Variants in ARPC4 observed in about 807,000 individuals in gnomAD.
The protein encoded by ARPC4 is actin-related protein 2/3 complex subunit 4.
ARPC4 carries 3 observed loss-of-function variants against 22.8 expected under a neutral mutation model. The observed-to-expected ratio is 0.13, with a 90% CI of 0.06 to 0.34. The LOEUF is 0.34. Ranked by LOEUF, ARPC4 falls within the 10% of genes least tolerant of loss-of-function variation. ARPC4 has a pLI of 1.00. For synonymous variants in ARPC4, 80 were observed against 72.5 expected, an observed-to-expected ratio of 1.10 and a Z score of -0.52; for missense variants, 98 against 211.0, an observed-to-expected ratio of 0.46 and a Z score of 3.32.
In ARPC4 at chr3:9,803,988, T is replaced by C. The variant is rs749275458; in HGVS notation, c.476T>C (p.Ile159Thr). ...CTGTCAGTCAATGCCCGTGCCCGCA[T>C]TGTGGCTGAAGAGTTCCTTAAGAAT... ...MKLSVNARAR[I>T]VAEEFLKNF Residue 159 changes from isoleucine (I) to threonine (T), a missense_variant, in exon 5 of 6, where the codon ATT (isoleucine) becomes ACT (threonine). Transcript: ENST00000397261. The C allele has an allele frequency of 6.2e-6, 10 of 1,614,078 alleles. No homozygotes were observed. Among genetic ancestry groups the C allele is most frequent in the Admixed American group, 3.3e-5 (2 of 60,002 alleles).
At chr3:9,802,324 C>T (rs541543724) in intron 4 of ARPC4, among the ~76,000 whole-genome samples, 4 of 149,852 alleles carry the variant, frequency 2.7e-5, no homozygotes, top group African/African-American at 7.4e-5. Context: ...AGAAAGAGCA[C>T]AGTGAATTAG....
intron 2 of ARPC4, among the ~76,000 whole-genome samples, chr3:9,799,535 T>C (rs2078965594): frequency 6.6e-6 from 1 of 151,962 alleles, no homozygotes; most frequent in Non-Finnish European, 1.5e-5. Flanking sequence ...TGCCACCTCC[T>C]GAGTTCGAGC....
At chr3:9,798,460 G>A (rs1250497538) in intron 2 of ARPC4, among the ~76,000 whole-genome samples, 1 of 152,026 alleles carries the variant, frequency 6.6e-6, no homozygotes, top group African/African-American at 2.4e-5. Flanking sequence ...GGTGGCACAT[G>A]CCTGTAGTCC....
intron 4 of ARPC4, chr3:9,803,421 G>A: frequency 2.2e-6 from 1 of 444,572 alleles, no homozygotes; most frequent in South Asian, 1.6e-5. Flanking sequence ...GGGCCACCCG[G>A]AATAAATAAA....
chr3:9,796,747 C>A lies in ARPC4; in HGVS notation c.4-912C>A, dbSNP rs562461569. Among the ~76,000 whole-genome samples, 13 of 152,248 alleles carry A rather than the reference C, an allele frequency of 8.5e-5. No homozygotes were observed. In the East Asian group the frequency reaches 1.9e-3, roughly 23 times the overall value. ...ACAAGGTCAGGAGATTGAGACCATCCTGGCTAACACCGTGAAACCCTGTCT... is the reference window on the plus strand; with the variant it reads ...ACAAGGTCAGGAGATTGAGACCATCATGGCTAACACCGTGAAACCCTGTCT... On this transcript the variant is annotated intron_variant, in intron 1 of 5. Coordinates refer to ENST00000397261, the MANE Select transcript of ARPC4 (RefSeq NM_005718.5).
chr3:9,792,614 G>A (rs1178381342), upstream of ARPC4: 6 of 1,229,844 alleles, frequency 4.9e-6, no homozygotes, highest in East Asian at 6.3e-5. Flanking sequence ...GGCCTCAGGC[G>A]AGCCCCGGGG....
intron 4 of ARPC4, 123 bp from the exon 5 acceptor site, chr3:9,803,720 G>C (rs1448969577): frequency 1.9e-5 from 21 of 1,133,752 alleles, no homozygotes; most frequent in Non-Finnish European, 2.6e-5. Context: ...ATGTAGCTTG[G>C]GAGAAGATCA....
At chr3:9,802,263 G>A (rs113594155) in intron 4 of ARPC4, among the ~76,000 whole-genome samples, 267 of 141,396 alleles carry the variant, frequency 1.9e-3, no homozygotes, top group African/African-American at 6.6e-3. Context: ...AAAAAAAAAG[G>A]CAAAAAAGAT....
intron 3 of ARPC4, 117 bp from the exon 4 acceptor site, chr3:9,801,544 C>G (rs1219151890): frequency 1.1e-5 from 11 of 1,005,496 alleles, no homozygotes; most frequent in African/African-American, 1.6e-5. Flanking sequence ...TTCCGAGTAC[C>G]AAACCTCACT....
intron 1 of ARPC4, among the ~76,000 whole-genome samples, chr3:9,794,650 C>A (rs2078841464): frequency 6.6e-6 from 1 of 152,070 alleles, no homozygotes; most frequent in African/African-American, 2.4e-5. Context: ...CACTGCACTT[C>A]AGCCTGGACA....
chr3:9,792,531 C>G (rs1187083081), upstream of ARPC4: 1 of 1,224,214 alleles, frequency 8.2e-7, no homozygotes. Context: ...GAGGGCGAGC[C>G]TACTGGAGTT....
intron 4 of ARPC4, 94 bp from the exon 5 acceptor site, chr3:9,803,749 T>C: frequency 7.6e-7 from 1 of 1,318,334 alleles, no homozygotes; most frequent in Non-Finnish European, 1.1e-6. Context: ...GGGAAGCATG[T>C]GGATGAGTGG....
chr3:9,792,529 G>C (rs1304989276), upstream of ARPC4: 63 of 1,224,418 alleles, frequency 5.1e-5, no homozygotes, highest in Admixed American at 8.5e-5. Flanking sequence ...GCGAGGGCGA[G>C]CCTACTGGAG....
At chr3:9,800,400 A>G in intron 3 of ARPC4, 104 bp downstream of exon 3, 1 of 1,077,826 alleles carries the variant, frequency 9.3e-7, no homozygotes, top group African/African-American at 1.6e-5. Flanking sequence ...CAGATTCCAG[A>G]TTCAGAGTGC....
chr3:9,806,795 T>C lies in ARPC4; in HGVS notation c.*580T>C, dbSNP rs1014440557. The C allele has an allele frequency of 1.9e-5, 3 of 154,334 alleles. No individual in the cohort carries two copies. Among genetic ancestry groups the C allele is most frequent in the East Asian group, 3.8e-4 (2 of 5,198 alleles). 9.6% of individuals were successfully genotyped at this position (154,334 alleles called of 1,614,324 possible). ...CTAAAGATGGCCCCCCAGCACTGGTTGGGGACAAGGGCCAAATTGGTGACC... is the reference window on the plus strand; with the variant it reads ...CTAAAGATGGCCCCCCAGCACTGGTCGGGGACAAGGGCCAAATTGGTGACC... On this transcript the variant is annotated 3_prime_UTR_variant, in exon 6 of 6. Transcript: ENST00000397261.
At chr3:9,793,695 G>A (rs1375410745) in intron 1 of ARPC4, among the ~76,000 whole-genome samples, 2 of 152,138 alleles carry the variant, frequency 1.3e-5, no homozygotes, top group African/African-American at 4.8e-5. Flanking sequence ...TGTTAGCTGT[G>A]ATACTGCTCA....
At chr3:9,799,897 G>C (rs752683336) in intron 2 of ARPC4, 19 of 550,516 alleles carry the variant, frequency 3.5e-5, no homozygotes, top group Non-Finnish European at 3.5e-6. Context: ...AGTGAATTAG[G>C]AATCAGAGTC....
chr3:9,801,533 C>G, intron 3 of ARPC4, 128 bp from the exon 4 acceptor site: 1 of 857,118 alleles, frequency 1.2e-6, no homozygotes, highest in Non-Finnish European at 1.8e-6. Flanking sequence ...TTCAGTGATC[C>G]TTCCGAGTAC....
chr3:9,803,813 C>T (rs923286532), intron 4 of ARPC4, 30 bp from the exon 5 acceptor site: 1 of 1,605,598 alleles, frequency 6.2e-7, no homozygotes, highest in Admixed American at 1.7e-5. Context: ...TGTTCCTTCT[C>T]TTCCCCCTCC....
Sources: gnomAD v4.1 joint callset for allele counts (sites outside exome capture counted in the v4.1 genomes callset) on GRCh38, gnomAD v4.1.1 for gene constraint, MANE v1.5 for transcripts, NCBI Gene and HGNC (gene_info 2026-07-23, HGNC 2026-07-21) for gene names.